The following IBTK variants were observed in gnomAD, a reference collection of about 807,000 sequenced individuals.
IBTK encodes the protein BTK-binding protein.
A neutral mutation model predicts 154.9 loss-of-function variants in IBTK; 83 were observed. The ratio of observed to expected loss-of-function variants is 0.54; its 90% CI spans 0.45 to 0.64. The LOEUF (loss-of-function observed/expected upper bound fraction) is 0.64, where lower values mean the gene tolerates loss of function less well. Ranked by LOEUF, IBTK falls within the 30% of genes least tolerant of loss-of-function variation. The pLI, the probability that IBTK is intolerant of heterozygous loss-of-function variation, is 0.00. For missense variants in IBTK, 1,332 were observed against 1,584.6 expected (o/e 0.84, Z 2.71); for synonymous variants, 515 against 536.1 (o/e 0.96, Z 0.54).
At chr6:82,202,840 T>C (rs1002734587) in intron 17 of IBTK, among the ~76,000 whole-genome samples, 195 bp from the exon 18 acceptor site, 1 of 152,156 alleles carries the variant, frequency 6.6e-6, no homozygotes, top group African/African-American at 2.4e-5. Flanking sequence ...TTTCAAAAGA[T>C]TGGCTATGAG....
rs867128485 is a variant in IBTK, at chr6:82,235,106, G to A, written c.322-851C>T. On this transcript the variant is annotated intron_variant, in intron 2 of 28. Transcript: ENST00000306270. The stretch of plus-strand genomic sequence containing the variant: ...GGACTCCTGACCTCGTGATCAGCCC[G>A]CCTCAGCCTCCCAAAGTGCTGGGAT... Among the ~76,000 whole-genome samples the A allele has an allele frequency of 4.6e-5, 7 of 152,022 alleles. No homozygotes were observed. In the South Asian group the frequency reaches 6.3e-4, roughly 14 times the overall value.
intron 20 of IBTK, 71 bp downstream of exon 20, chr6:82,200,516 A>G (rs1450751031): frequency 7.8e-7 from 1 of 1,289,438 alleles, no homozygotes; most frequent in Non-Finnish European, 1.0e-6. Flanking sequence ...CCAAGATGAG[A>G]GTGAAGGGAC....
intron 4 of IBTK, among the ~76,000 whole-genome samples, chr6:82,228,868 G>A (rs973646089): frequency 3.3e-5 from 5 of 151,952 alleles, no homozygotes; most frequent in South Asian, 2.1e-4. Context: ...TGATCTGCCC[G>A]CCTCAGCCTC....
chr6:82,218,270 C>A, intron 9 of IBTK, 133 bp from the exon 10 acceptor site: 1 of 509,796 alleles, frequency 2.0e-6, no homozygotes, highest in South Asian at 7.8e-5. Flanking sequence ...GTTTATTCTT[C>A]CACAGAAAAA....
intron 10 of IBTK, among the ~76,000 whole-genome samples, chr6:82,217,709 A>T (rs1769922645): frequency 6.6e-6 from 1 of 152,206 alleles, no homozygotes; most frequent in South Asian, 2.1e-4. Flanking sequence ...AGTTATTCAT[A>T]CAACAGGTGA....
chr6:82,217,860 A>G (rs1769928579), intron 10 of IBTK, 100 bp downstream of exon 10: 1 of 773,042 alleles, frequency 1.3e-6, no homozygotes, highest in Middle Eastern at 3.2e-4. Flanking sequence ...TAAATACATA[A>G]AAGTAAAACC....
intron 1 of IBTK, among the ~76,000 whole-genome samples, chr6:82,243,006 C>T (rs1771010888): frequency 6.6e-6 from 1 of 151,990 alleles, no homozygotes; most frequent in Non-Finnish European, 1.5e-5. Flanking sequence ...CTTTGGGAGG[C>T]CAAGGCAGGC....
In IBTK at chr6:82,200,246, T is replaced by C. The variant is rs749947904; in HGVS notation, c.2920A>G (p.Met974Val). ...INMEQNHSETMFKKAKTKAKK... is the reference protein window; with the variant it reads ...INMEQNHSETVFKKAKTKAKK... ...GCTTTTGTTTTTGCTTTCTTGAACA[T>C]AGTTTCCCTAGGAAAAAGCAAACAT... The change falls in exon 21 of 29, where the codon ATG (methionine) becomes GTG (valine). Residue 974 changes from methionine to valine, a missense_variant. Met to Val is a conservative substitution (Grantham distance 21). Coordinates refer to ENST00000306270, the MANE Select transcript of IBTK (RefSeq NM_015525.4). 3.7e-6 allele frequency: 6 copies of C among 1,609,214 alleles called. No individual in the cohort carries two copies. The highest frequency in any genetic ancestry group is 1.1e-5 in the South Asian group (1 of 90,928).
chr6:82,192,760 A>AT (rs1282514430), intron 23 of IBTK, among the ~76,000 whole-genome samples: 2 of 151,312 alleles, frequency 1.3e-5, no homozygotes, highest in Non-Finnish European at 2.9e-5. Context: ...AAAAAAAAAA[A>AT]AAAGAAATAG....
intron 23 of IBTK, among the ~76,000 whole-genome samples, chr6:82,192,691 G>A (rs529826872): frequency 1.8e-4 from 27 of 150,144 alleles, no homozygotes; most frequent in Admixed American, 1.7e-3. Context: ...AGGTTGCAGT[G>A]AGCTGAGATC....
At position 82,196,439 on chromosome 6, in the gene IBTK, T is replaced by C. The variant is rs778674707; in HGVS notation, c.3033A>G (p.Leu1011=). ...CCACAGAATTGGTCTTACCAGACTT[T>C]AATAATCCTAAAACATGAAATTAAA... The part of the protein sequence containing the change: ...IIQSPSSTGL[L]KSGKTNSVES... Residue 1011 remains leucine (L), a synonymous_variant, in exon 22 of 29, where the codon TTA becomes TTG. Coordinates refer to ENST00000306270, the MANE Select transcript of IBTK (RefSeq NM_015525.4). The C allele has an allele frequency of 2.5e-6, 4 of 1,597,294 alleles. No homozygotes were observed. Among genetic ancestry groups the C allele is most frequent in the Non-Finnish European group, 3.4e-6 (4 of 1,172,716 alleles).
intron 13 of IBTK, among the ~76,000 whole-genome samples, 162 bp downstream of exon 13, chr6:82,212,545 C>T (rs1769692314): frequency 6.6e-6 from 1 of 152,144 alleles, no homozygotes; most frequent in Non-Finnish European, 1.5e-5. Context: ...TATCAATTTA[C>T]TTCAACAGCT....
At chr6:82,241,695 T>G (rs573725608) in intron 1 of IBTK, among the ~76,000 whole-genome samples, 8 of 152,312 alleles carry the variant, frequency 5.3e-5, no homozygotes, top group African/African-American at 1.9e-4. Context: ...TCATAAAAGA[T>G]TAATTCAATA....
At chr6:82,218,971 G>A (rs2127817955) in intron 9 of IBTK, among the ~76,000 whole-genome samples, 1 of 152,246 alleles carries the variant, frequency 6.6e-6, no homozygotes, top group African/African-American at 2.4e-5. Flanking sequence ...TATTTTGCAG[G>A]AAGTAAATAT....
intron 1 of IBTK, among the ~76,000 whole-genome samples, chr6:82,243,114 G>A (rs1361283348): frequency 1.3e-5 from 2 of 148,956 alleles, no homozygotes; most frequent in African/African-American, 2.5e-5. Flanking sequence ...GGTGGCGGGC[G>A]CCTGTAGTCC....
At chr6:82,213,477 T>C (rs1305007666) in intron 12 of IBTK, among the ~76,000 whole-genome samples, 1 of 152,224 alleles carries the variant, frequency 6.6e-6, no homozygotes, top group African/African-American at 2.4e-5. Flanking sequence ...ACTATGGTGT[T>C]AGGCAATTTA....
At chr6:82,227,545 G>C (rs1016771296) in intron 4 of IBTK, among the ~76,000 whole-genome samples, 15 of 152,066 alleles carry the variant, frequency 9.9e-5, no homozygotes, top group African/African-American at 3.4e-4. Context: ...AATTAAGCAT[G>C]TGTTACCCAC....
chr6:82,227,414 G>A, intron 4 of IBTK, 112 bp from the exon 5 acceptor site: 2 of 510,380 alleles, frequency 3.9e-6, no homozygotes, highest in East Asian at 3.5e-5. Flanking sequence ...GGATACAAGG[G>A]GAATTTATAA....
At chr6:82,211,222 C>T in intron 15 of IBTK, 145 bp downstream of exon 15, 1 of 568,764 alleles carries the variant, frequency 1.8e-6, no homozygotes, top group Admixed American at 3.6e-5. Context: ...TGCTATTTTC[C>T]AGCAGCCTCA....
Sources: gnomAD v4.1 joint callset for allele counts (sites outside exome capture counted in the v4.1 genomes callset) on GRCh38, gnomAD v4.1.1 for gene constraint, MANE v1.5 for transcripts, NCBI Gene and HGNC (gene_info 2026-07-23, HGNC 2026-07-21) for gene names.